Variants in UBASH3B observed in about 807,000 individuals in gnomAD.
UBASH3B encodes the protein ubiquitin-associated and SH3 domain-containing protein B.
In UBASH3B, 37 loss-of-function variants were observed where a neutral mutation model predicts 83.4. That is an observed-to-expected ratio of 0.44 (90% CI 0.34 to 0.58). UBASH3B has a LOEUF of 0.58. UBASH3B is among the 20% of genes least tolerant of loss of function. UBASH3B has a pLI of 0.01. For missense variants in UBASH3B, 657 were observed against 827.2 expected (o/e 0.79, Z 2.52); for synonymous variants, 304 against 318.3 (o/e 0.96, Z 0.48).
intron 1 of UBASH3B, among the ~76,000 whole-genome samples, chr11:122,684,675 G>A (rs996498897): frequency 1.3e-5 from 2 of 152,162 alleles, no homozygotes; most frequent in Non-Finnish European, 2.9e-5. Flanking sequence ...ATGGCTCACT[G>A]CAACCTCTAC....
intron 1 of UBASH3B, among the ~76,000 whole-genome samples, chr11:122,675,173 T>C (rs1863651590): frequency 6.6e-6 from 1 of 152,244 alleles, no homozygotes; most frequent in South Asian, 2.1e-4. Flanking sequence ...TTATGGTGCC[T>C]CGGTTTCTGC....
chr11:122,739,451 G>T (rs141525202), intron 1 of UBASH3B, among the ~76,000 whole-genome samples: 14 of 152,224 alleles, frequency 9.2e-5, no homozygotes, highest in Admixed American at 7.2e-4. Context: ...TCTCTCTGAG[G>T]TTCTTTTGGG....
chr11:122,694,581 TGGAAGGAA>T (rs201163580), intron 1 of UBASH3B, among the ~76,000 whole-genome samples: 5 of 152,070 alleles, frequency 3.3e-5, no homozygotes, highest in South Asian at 4.2e-4. Flanking sequence ...TAAAAAAACT[TGGAAGGAA>T]GGAAGGAAGG....
In UBASH3B at chr11:122,699,629, C is replaced by A. The variant is rs1369041736; in HGVS notation, c.161+43419C>A. ...AACAAGGTCTCCCTCTGCCACCAGGCTGTAGTGCAGTGGTGCAATCTCTGG... is the reference window on the plus strand; with the variant it reads ...AACAAGGTCTCCCTCTGCCACCAGGATGTAGTGCAGTGGTGCAATCTCTGG... On this transcript the variant is annotated intron_variant, in intron 1 of 13. Transcript: ENST00000284273. 8.0e-5 allele frequency among the ~76,000 whole-genome samples: 12 copies of A among 150,266 alleles called. No individual in the cohort carries two copies. In the Admixed American group the frequency reaches 8.0e-4, roughly 10 times the overall value.
chr11:122,810,099 T>TTGTGAGCTAGGCAAG lies in UBASH3B; in HGVS notation c.*213_*214insTGTGAGCTAGGCAAG. The TTGTGAGCTAGGCAAG allele has an allele frequency of 1.9e-6, 1 of 534,506 alleles. No individual in the cohort carries two copies. Among genetic ancestry groups the TTGTGAGCTAGGCAAG allele is most frequent in the Non-Finnish European group, 3.2e-6 (1 of 313,052 alleles). 33.1% of individuals were successfully genotyped at this position (534,506 alleles called of 1,614,324 possible). The stretch of plus-strand genomic sequence containing the variant: ...AATGTGTTCTCTCTGGACTCTTGCC[T>TTGTGAGCTAGGCAAG]AGCTCACAAGGCTTTGGAGAATTGT... On this transcript the variant is annotated 3_prime_UTR_variant, in exon 14 of 14. Coordinates refer to ENST00000284273, the MANE Select transcript of UBASH3B (RefSeq NM_032873.5).
chr11:122,668,614 A>G (rs1325656456), intron 1 of UBASH3B, among the ~76,000 whole-genome samples: 5 of 152,200 alleles, frequency 3.3e-5, no homozygotes, highest in Admixed American at 6.5e-5. Context: ...CAGAAAGAAA[A>G]TTGGCTTTAG....
At chr11:122,671,655 G>A (rs1465353722) in intron 1 of UBASH3B, among the ~76,000 whole-genome samples, 2 of 152,252 alleles carry the variant, frequency 1.3e-5, no homozygotes, top group Non-Finnish European at 2.9e-5. Flanking sequence ...CCACAAGTGG[G>A]CTGTCTTGTT....
At chr11:122,752,263 ACT>A (rs1272000044) in intron 1 of UBASH3B, among the ~76,000 whole-genome samples, 5 of 152,042 alleles carry the variant, frequency 3.3e-5, no homozygotes, top group African/African-American at 1.2e-4. Context: ...GCCTAAGCAC[ACT>A]CTCTTTGAGT....
intron 1 of UBASH3B, among the ~76,000 whole-genome samples, chr11:122,696,969 G>C (rs1448089342): frequency 4.6e-5 from 7 of 152,142 alleles, no homozygotes. Flanking sequence ...TTCAAGTAAA[G>C]ATCAGGCCAC....
At chr11:122,728,137 C>T (rs1481839529) in intron 1 of UBASH3B, among the ~76,000 whole-genome samples, 3 of 152,172 alleles carry the variant, frequency 2.0e-5, no homozygotes, top group African/African-American at 4.8e-5. Context: ...CACACCCGGC[C>T]TTAGCCCATC....
intron 1 of UBASH3B, among the ~76,000 whole-genome samples, chr11:122,767,005 C>T (rs1356991507): frequency 1.3e-5 from 2 of 152,142 alleles, no homozygotes; most frequent in East Asian, 1.9e-4. Context: ...CTAGGCCGGG[C>T]GCAGTGGCTC....
chr11:122,760,882 A>G (rs968308136), intron 1 of UBASH3B, among the ~76,000 whole-genome samples: 3 of 152,234 alleles, frequency 2.0e-5, no homozygotes, highest in Non-Finnish European at 4.4e-5. Flanking sequence ...TTGTCATACC[A>G]TATTCCATAC....
chr11:122,796,826 G>A, intron 8 of UBASH3B, 85 bp from the exon 9 acceptor site: 3 of 1,585,400 alleles, frequency 1.9e-6, no homozygotes, highest in Non-Finnish European at 2.6e-6. Flanking sequence ...AGAAGGAATG[G>A]GGGTGGAGAG....
intron 10 of UBASH3B, among the ~76,000 whole-genome samples, chr11:122,800,020 A>G (rs1191306877): frequency 2.0e-5 from 3 of 152,214 alleles, no homozygotes; most frequent in Admixed American, 1.3e-4. Flanking sequence ...GCACAGAACA[A>G]CTGGACTACA....
intron 1 of UBASH3B, among the ~76,000 whole-genome samples, chr11:122,761,533 G>A (rs1167360978): frequency 1.3e-5 from 2 of 152,240 alleles, no homozygotes; most frequent in East Asian, 1.9e-4. Context: ...ACAGAAGAGT[G>A]ACAGTGGCTC....
intron 1 of UBASH3B, among the ~76,000 whole-genome samples, chr11:122,679,893 C>T (rs1290672046): frequency 2.0e-5 from 3 of 152,104 alleles, no homozygotes; most frequent in Non-Finnish European, 4.4e-5. Flanking sequence ...TGCAATGACA[C>T]GATCTTGGCT....
chr11:122,775,951 A>T, intron 1 of UBASH3B: 1 of 381,362 alleles, frequency 2.6e-6, no homozygotes, highest in Non-Finnish European at 4.7e-6. Flanking sequence ...ATAAAACTCT[A>T]ATGTGGAAAC....
intron 1 of UBASH3B, among the ~76,000 whole-genome samples, chr11:122,712,896 GTTTTTTTTTTTT>G (rs386375116): frequency 6.2e-5 from 4 of 64,494 alleles, no homozygotes; most frequent in Non-Finnish European, 1.1e-4. Flanking sequence ...TCTCTGGGTG[GTTTTTTTTTTTT>G]TTTTTTTTTT....
Position 122,794,810 on chromosome 11 carries a change from T to C in UBASH3B, c.1089T>C (p.Leu363=). ...EDQGLGETTP[L]TIICQPMQPL... ...AGGGGCTCGGGGAGACGACTCCTCT[T>C]ACTATCATCTGCCAGCCCATGCAGG... The change falls in exon 7 of 14, where the codon CTT becomes CTC. Residue 363 remains leucine (L), a synonymous_variant. Coordinates refer to ENST00000284273, the MANE Select transcript of UBASH3B (RefSeq NM_032873.5). The C allele has an allele frequency of 6.2e-7, 1 of 1,613,872 alleles. No individual in the cohort carries two copies. Among genetic ancestry groups the C allele is most frequent in the Non-Finnish European group, 8.5e-7 (1 of 1,179,932 alleles).
Sources: gnomAD v4.1 joint callset for allele counts (sites outside exome capture counted in the v4.1 genomes callset) on GRCh38, gnomAD v4.1.1 for gene constraint, MANE v1.5 for transcripts, NCBI Gene and HGNC (gene_info 2026-07-23, HGNC 2026-07-21) for gene names.